PSD3: variants seen among roughly 807,000 people sequenced by gnomAD.
PSD3 encodes PH and SEC7 domain-containing protein 3.
In PSD3, 49 loss-of-function variants were observed where a neutral mutation model predicts 105.5. The ratio of observed to expected loss-of-function variants is 0.46; its 90% CI spans 0.37 to 0.59. The LOEUF (loss-of-function observed/expected upper bound fraction) is 0.59. Ranked by LOEUF, PSD3 falls within the 20% of genes least tolerant of loss-of-function variation. PSD3 has a pLI of 0.00. For synonymous variants in PSD3, 557 were observed against 457.8 expected (o/e 1.22, Z -2.77); for missense variants, 1,561 against 1,263.8 (o/e 1.24, Z -3.57).
chr8:18,818,630 A>C (rs1031082860), intron 4 of PSD3, among the ~76,000 whole-genome samples: 1 of 152,170 alleles, frequency 6.6e-6, no homozygotes, highest in Non-Finnish European at 1.5e-5. Context: ...AAATAAACTG[A>C]GAATTAAAGA....
chr8:18,674,122 G>T (rs1449227979), intron 9 of PSD3, among the ~76,000 whole-genome samples: 1 of 152,016 alleles, frequency 6.6e-6, no homozygotes, highest in Non-Finnish European at 1.5e-5. Flanking sequence ...GTCCAGACTG[G>T]ATGAAAGAGT....
intron 8 of PSD3, among the ~76,000 whole-genome samples, chr8:18,770,458 C>G (rs1422662075): frequency 2.0e-5 from 3 of 151,904 alleles, no homozygotes; most frequent in Non-Finnish European, 4.4e-5. Context: ...TGATGATGTC[C>G]TTTTGAAGCA....
At chr8:18,585,040 T>A (rs1249381434) in intron 12 of PSD3, among the ~76,000 whole-genome samples, 2 of 152,150 alleles carry the variant, frequency 1.3e-5, no homozygotes, top group Non-Finnish European at 2.9e-5. Context: ...GATATGGTAT[T>A]TTTGACCTGT....
intron 9 of PSD3, among the ~76,000 whole-genome samples, chr8:18,753,415 T>C (rs1805765604): frequency 6.6e-6 from 1 of 151,934 alleles, no homozygotes; most frequent in African/African-American, 2.4e-5. Flanking sequence ...CAAGATGGTA[T>C]GTTGTGAAGA....
Position 18,823,098 on chromosome 8 carries a change from G to GA in PSD3, c.1635-18201dup, listed in dbSNP as rs11327176. Among the ~76,000 whole-genome samples, 823 of 139,268 alleles carry GA rather than the reference G, an allele frequency of 5.9e-3. 7 individuals are homozygous for GA. The highest frequency in any genetic ancestry group is 0.02 in the African/African-American group (755 of 37,936). 91.4% of individuals were successfully genotyped at this position (139,268 alleles called of 152,430 possible). On this transcript the variant is annotated intron_variant, in intron 4 of 15. Transcript: ENST00000327040. ...AGGAAAAGGGAGAATGGAGAGACAGGAAAAAAAAAAAAAAAACCTTATCAC... is the reference window on the plus strand; with the variant it reads ...AGGAAAAGGGAGAATGGAGAGACAGGAAAAAAAAAAAAAAAAACCTTATCAC...
intron 9 of PSD3, among the ~76,000 whole-genome samples, chr8:18,716,074 A>T (rs1327161163): frequency 1.3e-5 from 2 of 152,220 alleles, no homozygotes; most frequent in African/African-American, 4.8e-5. Flanking sequence ...TATTTCAAAG[A>T]GGATGGCCAT....
chr8:18,726,037 C>T (rs1353672145), intron 9 of PSD3, among the ~76,000 whole-genome samples: 1 of 152,176 alleles, frequency 6.6e-6, no homozygotes, highest in Admixed American at 6.5e-5. Flanking sequence ...CCATACTTAT[C>T]TCTCAGCCAA....
At chr8:18,885,733 TC>T (rs1332956649) in intron 2 of PSD3, among the ~76,000 whole-genome samples, 1 of 152,150 alleles carries the variant, frequency 6.6e-6, no homozygotes, top group Non-Finnish European at 1.5e-5. Context: ...TAAACAATTG[TC>T]CCAAGTATAT....
At chr8:19,005,308 C>T (rs902929830) in intron 1 of PSD3, among the ~76,000 whole-genome samples, 1 of 151,944 alleles carries the variant, frequency 6.6e-6, no homozygotes, top group Non-Finnish European at 1.5e-5. Flanking sequence ...TGGATGAGCA[C>T]TGAAAACATG....
In PSD3 at chr8:18,867,716, G is replaced by C; in HGVS notation, c.1592C>G (p.Ser531Cys). 1.2e-6 allele frequency: 2 copies of C among 1,603,090 alleles called. No homozygotes were observed. Among genetic ancestry groups the C allele is most frequent in the Non-Finnish European group, 1.7e-6 (2 of 1,174,844 alleles). ...CTCCGGGGTGCCTTTCGTGTAGATG[G>C]AGTCGCTGGCATCATTCAGCCCATT... ...VTNGLNDASDSIYTKGTPEIA... is the reference protein window; with the variant it reads ...VTNGLNDASDCIYTKGTPEIA... Residue 531 changes from serine to cysteine, a missense_variant, in exon 4 of 16, where the codon TCC becomes TGC. Ser to Cys is a moderately radical substitution (Grantham distance 112, BLOSUM62 -1). Coordinates refer to ENST00000327040, the MANE Select transcript of PSD3 (RefSeq NM_015310.4).
chr8:18,865,259 TATATATATATATATATA>T lies in PSD3; in HGVS notation c.1634+2398_1634+2414del, dbSNP rs1563360226. ...ATATATATATATATATATATATATA[TATATATATATATATATA>T]TATATATATATTTTTTTTTTTTTTT... On this transcript the variant is annotated intron_variant, in intron 4 of 15. Coordinates refer to ENST00000327040, the MANE Select transcript of PSD3 (RefSeq NM_015310.4). 4.1e-3 allele frequency: 28 copies of T among 6,860 alleles called. 2 individuals are homozygous for T. The highest frequency in any genetic ancestry group is 0.037 in the East Asian group (10 of 272). 0.4% of individuals were successfully genotyped at this position (6,860 alleles called of 1,614,324 possible).
intron 9 of PSD3, among the ~76,000 whole-genome samples, chr8:18,665,261 T>C (rs915812027): frequency 5.9e-5 from 9 of 152,372 alleles, no homozygotes; most frequent in East Asian, 5.8e-4. Context: ...CTGTGATTCA[T>C]GGGAGGTCAA....
chr8:18,888,837 G>T (rs1438675233), intron 2 of PSD3, among the ~76,000 whole-genome samples: 1 of 152,100 alleles, frequency 6.6e-6, no homozygotes, highest in East Asian at 1.9e-4. Context: ...CCTTCCAAGG[G>T]GAGGAAAGAG....
intron 1 of PSD3, among the ~76,000 whole-genome samples, chr8:19,029,132 G>A (rs2129476150): frequency 6.6e-6 from 1 of 152,152 alleles, no homozygotes; most frequent in Middle Eastern, 3.4e-3. Context: ...AAATTGTTTT[G>A]ACTCCTCTAG....
chr8:18,539,783 T>A (rs930704812), intron 15 of PSD3, among the ~76,000 whole-genome samples: 3 of 152,016 alleles, frequency 2.0e-5, no homozygotes, highest in African/African-American at 7.3e-5. Context: ...CCTGACCTCA[T>A]GATCCGCCTG....
chr8:18,585,317 CTTTATT>C (rs1354798641), intron 12 of PSD3, among the ~76,000 whole-genome samples: 1 of 152,020 alleles, frequency 6.6e-6, no homozygotes, highest in Non-Finnish European at 1.5e-5. Flanking sequence ...AAGCCAGTCA[CTTTATT>C]TTTATTTTAT....
chr8:18,630,521 T>A (rs1462814587), intron 11 of PSD3, among the ~76,000 whole-genome samples: 12 of 151,914 alleles, frequency 7.9e-5, no homozygotes, highest in African/African-American at 2.9e-4. Context: ...GTCAATCCAT[T>A]GCTAGGAAAT....
At chr8:19,062,721 A>G (rs963768585) in intron 1 of PSD3, among the ~76,000 whole-genome samples, 3 of 152,246 alleles carry the variant, frequency 2.0e-5, no homozygotes, top group Non-Finnish European at 2.9e-5. Context: ...TTATCACTTA[A>G]AGTCCACATT....
intron 1 of PSD3, among the ~76,000 whole-genome samples, chr8:18,972,352 G>GT (rs1824702112): frequency 6.6e-6 from 1 of 152,200 alleles, no homozygotes; most frequent in African/African-American, 2.4e-5. Flanking sequence ...CAGGGAGTCT[G>GT]TAAGAGACTG....
Sources: gnomAD v4.1 joint callset for allele counts (sites outside exome capture counted in the v4.1 genomes callset) on GRCh38, gnomAD v4.1.1 for gene constraint, MANE v1.5 for transcripts, NCBI Gene and HGNC (gene_info 2026-07-23, HGNC 2026-07-21) for gene names.